The following SRGAP1 variants were observed in gnomAD, a reference collection of about 807,000 sequenced individuals.
The protein encoded by SRGAP1 is SLIT-ROBO Rho GTPase-activating protein 1.
A neutral mutation model predicts 121.9 loss-of-function variants in SRGAP1; 43 were observed. The observed-to-expected ratio is 0.35, with a 90% confidence interval of 0.28 to 0.46. The LOEUF is 0.46. Ranked by LOEUF, SRGAP1 falls within the 20% of genes least tolerant of loss-of-function variation. The probability of loss-of-function intolerance (pLI) is 1.00; values close to 1 mark genes in which losing one functional copy is unlikely to be tolerated. For synonymous variants in SRGAP1, 447 were observed against 485.4 expected (o/e 0.92, Z 1.04); for missense variants, 1,102 against 1,350.9 (o/e 0.82, Z 2.89).
At chr12:64,012,231 A>G (rs1333943641) in intron 3 of SRGAP1, among the ~76,000 whole-genome samples, 1 of 152,334 alleles carries the variant, frequency 6.6e-6, no homozygotes, top group African/African-American at 2.4e-5. Flanking sequence ...ATGACAATAA[A>G]CAGTAAACAA....
intron 1 of SRGAP1, among the ~76,000 whole-genome samples, chr12:63,910,409 A>G (rs1006457790): frequency 4.6e-5 from 7 of 152,190 alleles, no homozygotes; most frequent in African/African-American, 1.7e-4. Context: ...TCACTGATCT[A>G]TAATCTGCTA....
chr12:63,938,902 C>G (rs760324214), intron 1 of SRGAP1, among the ~76,000 whole-genome samples: 6 of 151,740 alleles, frequency 4.0e-5, no homozygotes, highest in Admixed American at 6.6e-5. Context: ...TACCTGTAAT[C>G]ACAGCATTTC....
Position 64,142,298 on chromosome 12 carries a change from A to G in SRGAP1, c.2884A>G (p.Ile962Val), listed in dbSNP as rs1016203730. The G allele has an allele frequency of 1.2e-6, 2 of 1,612,200 alleles. No homozygotes were observed. Among genetic ancestry groups the G allele is most frequent in the Non-Finnish European group, 1.7e-6 (2 of 1,178,644 alleles). ...CTTTCCGATTATTCTTCAATAGGATATTGAAGAAACGATGAACACAGCTTT... is the reference window on the plus strand; with the variant it reads ...CTTTCCGATTATTCTTCAATAGGATGTTGAAGAAACGATGAACACAGCTTT... ...PLDPETIAQD[I>V]EETMNTALNE... The change falls in exon 22 of 22, where the codon ATT becomes GTT. Residue 962 changes from isoleucine to valine, a missense_variant. Physicochemically the swap from Ile to Val is conservative, Grantham distance 29 (BLOSUM62 3). Coordinates refer to ENST00000355086, the MANE Select transcript of SRGAP1 (RefSeq NM_020762.4).
chr12:64,032,543 G>A, intron 4 of SRGAP1: 1 of 1,137,420 alleles, frequency 8.8e-7, no homozygotes, highest in Admixed American at 1.8e-5. Context: ...GTGACCCAAG[G>A]CAGTGCCTTG....
intron 1 of SRGAP1, among the ~76,000 whole-genome samples, chr12:63,875,373 G>T (rs1048063139): frequency 6.6e-6 from 1 of 152,076 alleles, no homozygotes; most frequent in African/African-American, 2.4e-5. Flanking sequence ...CAGGAAGGTC[G>T]CCAATAATCA....
At chr12:64,102,561 C>T (rs1465267620) in intron 15 of SRGAP1, among the ~76,000 whole-genome samples, 1 of 152,144 alleles carries the variant, frequency 6.6e-6, no homozygotes, top group African/African-American at 2.4e-5. Context: ...AATTACTCCC[C>T]GTTTACTCAT....
At chr12:63,971,318 G>C (rs1037389157) in intron 1 of SRGAP1, among the ~76,000 whole-genome samples, 2 of 152,226 alleles carry the variant, frequency 1.3e-5, no homozygotes, top group African/African-American at 4.8e-5. Flanking sequence ...TGTAGACCAG[G>C]AGGTAACCTG....
intron 1 of SRGAP1, among the ~76,000 whole-genome samples, chr12:63,853,801 A>G (rs1274537777): frequency 6.6e-6 from 1 of 152,236 alleles, no homozygotes; most frequent in Non-Finnish European, 1.5e-5. Context: ...GGCTAAATGT[A>G]AGAATCTGAC....
At chr12:63,911,134 C>T (rs981957306) in intron 1 of SRGAP1, among the ~76,000 whole-genome samples, 17 of 152,082 alleles carry the variant, frequency 1.1e-4, no homozygotes, top group Admixed American at 2.0e-4. Context: ...CCCATCTCTA[C>T]TAAAAACACA....
intron 3 of SRGAP1, among the ~76,000 whole-genome samples, chr12:64,015,991 A>G (rs2034391582): frequency 1.3e-5 from 2 of 152,170 alleles, no homozygotes; most frequent in Admixed American, 6.5e-5. Context: ...TTCTCTATCA[A>G]ACTCTCAGAA....
intron 1 of SRGAP1, among the ~76,000 whole-genome samples, chr12:63,881,726 T>G (rs914803365): frequency 2.6e-5 from 4 of 152,208 alleles, no homozygotes; most frequent in Non-Finnish European, 5.9e-5. Context: ...AATGACACCC[T>G]TTAGAGTACC....
intron 1 of SRGAP1, among the ~76,000 whole-genome samples, chr12:63,942,520 CTT>C (rs575490669): frequency 7.8e-4 from 119 of 152,160 alleles, no homozygotes; most frequent in Non-Finnish European, 1.6e-3. Flanking sequence ...CTGTTGTTCT[CTT>C]TCAGTCCCAG....
intron 6 of SRGAP1, among the ~76,000 whole-genome samples, chr12:64,049,293 A>C (rs1593077240): frequency 6.6e-6 from 1 of 152,196 alleles, no homozygotes; most frequent in East Asian, 1.9e-4. Flanking sequence ...GTCCATTATC[A>C]CACTGCTATA....
Position 64,148,885 on chromosome 12 carries a change from T to G in SRGAP1, c.*6213T>G, listed in dbSNP as rs893318630. On this transcript the variant is annotated 3_prime_UTR_variant, in exon 22 of 22. Coordinates refer to ENST00000355086, the MANE Select transcript of SRGAP1 (RefSeq NM_020762.4). Reference sequence around the variant, plus strand: ...TACTGTGCTCATGCCTCTGTGAATGTATCAGTATCCTGACTAATCACACCA... The same window carrying G: ...TACTGTGCTCATGCCTCTGTGAATGGATCAGTATCCTGACTAATCACACCA... The G allele has an allele frequency of 1.3e-5, 2 of 152,022 alleles. No individual in the cohort carries two copies. Among genetic ancestry groups the G allele is most frequent in the African/African-American group, 4.8e-5 (2 of 41,254 alleles). 9.4% of individuals were successfully genotyped at this position (152,022 alleles called of 1,614,324 possible).
In SRGAP1 at chr12:64,126,169, C is replaced by T. The variant is rs2036684821; in HGVS notation, c.2405+12C>T. On this transcript the variant is annotated intron_variant, in intron 19 of 21. Coordinates refer to ENST00000355086, the MANE Select transcript of SRGAP1 (RefSeq NM_020762.4). ...GTGGTGCAGGATATGTGAGTAGTCT[C>T]AACTTTGATTGCCTGAGTGCTCCCA... 1 of 1,605,686 alleles carries T rather than the reference C, an allele frequency of 6.2e-7. No homozygotes were observed. The highest frequency in any genetic ancestry group is 8.5e-7 in the Non-Finnish European group (1 of 1,173,634).
chr12:64,113,848 A>T (rs1908534), intron 17 of SRGAP1, among the ~76,000 whole-genome samples: 3,200 of 152,112 alleles, frequency 0.021, 131 homozygotes, highest in African/African-American at 0.073. Context: ...TTACTCAGCA[A>T]CCTCCCTGCC....
intron 1 of SRGAP1, among the ~76,000 whole-genome samples, chr12:63,885,389 A>G (rs955665402): frequency 2.6e-5 from 4 of 152,220 alleles, no homozygotes; most frequent in African/African-American, 9.6e-5. Context: ...CAGAGCTTCC[A>G]TGCCTTCCCT....
rs1261674753 is a variant in SRGAP1, at chr12:64,157,988, T to G, written c.*15316T>G. 6.6e-6 allele frequency: 1 copy of G among 152,182 alleles called. No homozygotes were observed. The allele number at this position is 152,182 out of a possible 1,614,324, so 9.4% of individuals were successfully genotyped here. A position where few individuals can be genotyped will look rare whatever the true frequency, so the allele number is the denominator to read the frequency against. ...TGATGTGAGGTTTTCTGTCTTGGTA[T>G]GGAGGAGACATGAATCACTACTGTA... On this transcript the variant is annotated 3_prime_UTR_variant, in exon 22 of 22. Transcript: ENST00000355086.
At chr12:63,947,991 TC>T (rs1478311961) in intron 1 of SRGAP1, among the ~76,000 whole-genome samples, 10 of 152,202 alleles carry the variant, frequency 6.6e-5, no homozygotes, top group African/African-American at 2.4e-4. Context: ...GTTTTTTTTT[TC>T]CTGAATGGAT....
Sources: gnomAD v4.1 joint callset for allele counts (sites outside exome capture counted in the v4.1 genomes callset) on GRCh38, gnomAD v4.1.1 for gene constraint, MANE v1.5 for transcripts, NCBI Gene and HGNC (gene_info 2026-07-23, HGNC 2026-07-21) for gene names.